Variants in XYLT1 observed in about 807,000 individuals in gnomAD.
XYLT1 encodes xylosyltransferase 1, also known as beta-D-xylosyltransferase 1.
In XYLT1, 36 loss-of-function variants were observed where a neutral mutation model predicts 91.3. The observed-to-expected ratio is 0.39, with a 90% CI of 0.30 to 0.52. The LOEUF is 0.52. XYLT1 is among the 20% of genes least tolerant of loss of function. The pLI is 0.68. For missense variants in XYLT1, 1,242 were observed against 1,284.5 expected (o/e 0.97, Z 0.51); for synonymous variants, 588 against 532.0 (o/e 1.11, Z -1.45).
chr16:17,325,898 C>T (rs1444474968), intron 2 of XYLT1, among the ~76,000 whole-genome samples: 1 of 152,176 alleles, frequency 6.6e-6, no homozygotes, highest in Non-Finnish European at 1.5e-5. Flanking sequence ...CAGGAAGCAT[C>T]ATGTCTATGC....
intron 11 of XYLT1, among the ~76,000 whole-genome samples, chr16:17,114,327 A>G (rs7203966): frequency 0.057 from 8,634 of 152,266 alleles, 808 homozygotes; most frequent in African/African-American, 0.19. Flanking sequence ...AGAAGTTCCA[A>G]AGGCCCAGAC....
At chr16:17,400,886 G>A (rs1423672516) in intron 1 of XYLT1, among the ~76,000 whole-genome samples, 2 of 151,832 alleles carry the variant, frequency 1.3e-5, no homozygotes, top group African/African-American at 4.8e-5. Flanking sequence ...CCCTATACTG[G>A]GAAGAGGAAA....
intron 5 of XYLT1, among the ~76,000 whole-genome samples, chr16:17,185,770 G>A (rs1420264511): frequency 6.6e-6 from 1 of 152,160 alleles, no homozygotes; most frequent in Non-Finnish European, 1.5e-5. Flanking sequence ...GGAGGCTGAG[G>A]TGCGCAGATC....
chr16:17,275,133 C>T (rs528916701), intron 2 of XYLT1, among the ~76,000 whole-genome samples: 4 of 151,988 alleles, frequency 2.6e-5, no homozygotes, highest in East Asian at 1.9e-4. Context: ...GCCAATATTG[C>T]GCCACTGCAC....
chr16:17,461,458 C>T (rs141232956), intron 1 of XYLT1, among the ~76,000 whole-genome samples: 1 of 152,294 alleles, frequency 6.6e-6, no homozygotes, highest in African/African-American at 2.4e-5. Context: ...GTCCTGTTCA[C>T]CAAGGTGGTT....
At position 17,119,466 on chromosome 16, in the gene XYLT1, C is replaced by T. The variant is rs142072501; in HGVS notation, c.2224-1487G>A. Among the ~76,000 whole-genome samples, 143 of 152,270 alleles carry T rather than the reference C, an allele frequency of 9.4e-4. 3 individuals carry two copies. The highest frequency in any genetic ancestry group is 3.0e-3 in the African/African-American group (126 of 41,550). ...TTAGCATCTCTAATGTGTGTGTGCA[C>T]GAAGGTCGGGTGTGGATACACATAC... On this transcript the variant is annotated intron_variant, in intron 10 of 11. Transcript: ENST00000261381.
Position 17,108,755 on chromosome 16 carries a change from G to A in XYLT1, c.2820C>T (p.Ser940=). Residue 940 remains serine, a synonymous_variant, in exon 12 of 12, where the codon TCC becomes TCT. Coordinates refer to ENST00000261381, the MANE Select transcript of XYLT1 (RefSeq NM_022166.4). ...GCTCCGACTTGGGGTCAGGGCTGAA[G>A]GAGCTCCAGGCCGTCTGGCTGCAGG... ...MQTCSQTAWS[S]FSPDPKSELG... 2 of 1,607,140 alleles carry A rather than the reference G, an allele frequency of 1.2e-6. No individual in the cohort carries two copies. Among genetic ancestry groups the A allele is most frequent in the Non-Finnish European group, 1.7e-6 (2 of 1,178,950 alleles).
intron 1 of XYLT1, among the ~76,000 whole-genome samples, chr16:17,393,271 G>A (rs561715755): frequency 6.6e-6 from 1 of 152,286 alleles, no homozygotes; most frequent in East Asian, 1.9e-4. Flanking sequence ...GTGATGGTGT[G>A]TATTTTACAT....
At chr16:17,358,281 G>A (rs1596501293) in intron 1 of XYLT1, among the ~76,000 whole-genome samples, 1 of 152,084 alleles carries the variant, frequency 6.6e-6, no homozygotes, top group African/African-American at 2.4e-5. Flanking sequence ...CTACAGGCAT[G>A]CACTATCATG....
chr16:17,394,027 G>A (rs767677076), intron 1 of XYLT1, among the ~76,000 whole-genome samples: 10 of 152,038 alleles, frequency 6.6e-5, no homozygotes, highest in South Asian at 2.1e-4. Context: ...CACCCACCTC[G>A]GCCTCCCAAA....
chr16:17,248,198 T>G (rs2033474828), intron 3 of XYLT1, among the ~76,000 whole-genome samples: 1 of 152,204 alleles, frequency 6.6e-6, no homozygotes, highest in African/African-American at 2.4e-5. Context: ...AAGAGGAATC[T>G]CCCTGCACAA....
intron 2 of XYLT1, among the ~76,000 whole-genome samples, chr16:17,330,104 T>C (rs1354743370): frequency 1.4e-5 from 2 of 144,584 alleles, no homozygotes; most frequent in South Asian, 2.2e-4. Flanking sequence ...TGGAGGTAGA[T>C]ACACACACAC....
At chr16:17,432,769 T>C (rs779314577) in intron 1 of XYLT1, among the ~76,000 whole-genome samples, 1 of 152,120 alleles carries the variant, frequency 6.6e-6, no homozygotes, top group Admixed American at 6.6e-5. Flanking sequence ...AGAGATCCTG[T>C]AGACTGCAAT....
At chr16:17,304,687 A>C (rs953290766) in intron 2 of XYLT1, among the ~76,000 whole-genome samples, 2 of 152,142 alleles carry the variant, frequency 1.3e-5, no homozygotes, top group Admixed American at 1.3e-4. Context: ...CATGGGAACC[A>C]AACAGGCTCT....
At chr16:17,418,353 T>TA (rs2036206413) in intron 1 of XYLT1, among the ~76,000 whole-genome samples, 1 of 152,230 alleles carries the variant, frequency 6.6e-6, no homozygotes, top group Non-Finnish European at 1.5e-5. Flanking sequence ...CCCGTTTATA[T>TA]AACTCCAAGT....
chr16:17,309,261 C>G (rs993695662), intron 2 of XYLT1, among the ~76,000 whole-genome samples: 1 of 152,144 alleles, frequency 6.6e-6, no homozygotes, highest in Non-Finnish European at 1.5e-5. Context: ...TAGCATCCGT[C>G]CCCCGTAGTT....
chr16:17,133,245 TCAGAGAGTTAGTGAA>T (rs1475074836), intron 9 of XYLT1, among the ~76,000 whole-genome samples: 2 of 152,022 alleles, frequency 1.3e-5, no homozygotes, highest in Non-Finnish European at 2.9e-5. Context: ...GCCTGTGTTT[TCAGAGAGTTAGTGAA>T]CAATCTTCTT....
chr16:17,220,626 C>T (rs2032949600), intron 3 of XYLT1, among the ~76,000 whole-genome samples: 2 of 152,166 alleles, frequency 1.3e-5, no homozygotes. Flanking sequence ...GTGTGTGCCA[C>T]CACACTCGGC....
intron 1 of XYLT1, among the ~76,000 whole-genome samples, chr16:17,404,665 G>A (rs1596528362): frequency 6.6e-6 from 1 of 152,226 alleles, no homozygotes; most frequent in East Asian, 1.9e-4. Flanking sequence ...GCCAGGCACA[G>A]GGGCAGTTGC....
Sources: gnomAD v4.1 joint callset for allele counts (sites outside exome capture counted in the v4.1 genomes callset) on GRCh38, gnomAD v4.1.1 for gene constraint, MANE v1.5 for transcripts, NCBI Gene and HGNC (gene_info 2026-07-23, HGNC 2026-07-21) for gene names.